MN1: variants seen among roughly 807,000 people sequenced by gnomAD.
MN1 encodes the protein MN1 proto-oncogene, transcriptional regulator, also known as transcriptional activator MN1.
Under a neutral mutation model 86.9 loss-of-function variants are expected in MN1, and 19 were observed. The ratio of observed to expected loss-of-function variants is 0.22; its 90% confidence interval spans 0.15 to 0.32. MN1 has a LOEUF of 0.32. MN1 is among the 10% of genes least tolerant of loss of function. The pLI is 1.00. For missense variants in MN1, 1,841 were observed against 1,862.0 expected (o/e 0.99, Z 0.21); for synonymous variants, 928 against 849.6 (o/e 1.09, Z -1.60).
chr22:27,760,845 C>T (rs1932829812), intron 1 of MN1, among the ~76,000 whole-genome samples: 1 of 152,206 alleles, frequency 6.6e-6, no homozygotes, highest in Non-Finnish European at 1.5e-5. Context: ...GAAAGCAGAC[C>T]ACTGTCTCTA....
intron 1 of MN1, among the ~76,000 whole-genome samples, chr22:27,787,153 C>T (rs191648460): frequency 1.3e-4 from 20 of 152,138 alleles, no homozygotes; most frequent in Admixed American, 9.8e-4. Context: ...CGTGCACGTG[C>T]GTGTGTGCAC....
chr22:27,791,561 C>T (rs943265244), intron 1 of MN1, among the ~76,000 whole-genome samples: 1 of 151,906 alleles, frequency 6.6e-6, no homozygotes, highest in Non-Finnish European at 1.5e-5. Context: ...TGGTTGCAGC[C>T]CCCCACCCCC....
At position 27,750,387 on chromosome 22, in the gene MN1, G is replaced by A. The variant is rs918154125; in HGVS notation, c.*528C>T. On this transcript the variant is annotated 3_prime_UTR_variant, in exon 2 of 2. Transcript: ENST00000302326. ...TGTGATGACAATTGGACTTTCACCC[G>A]GCAATATTCCAGAACTACTATTCTC... is the stretch of plus-strand genomic sequence containing the variant. The A allele has an allele frequency of 3.0e-5, 7 of 229,520 alleles. No homozygotes were observed. The highest frequency in any genetic ancestry group is 1.8e-4 in the South Asian group (1 of 5,490). 14.2% of individuals were successfully genotyped at this position (229,520 alleles called of 1,614,324 possible). A position where few individuals can be genotyped will look rare whatever the true frequency, so the allele number is the denominator to read the frequency against.
intron 1 of MN1, among the ~76,000 whole-genome samples, chr22:27,781,457 TG>T (rs3831689): frequency 2.0e-5 from 3 of 151,558 alleles, no homozygotes; most frequent in East Asian, 3.9e-4. Flanking sequence ...AAGTATGCCC[TG>T]GGGGGGGCAA....
chr22:27,759,154 C>A (rs1423685911), intron 1 of MN1, among the ~76,000 whole-genome samples: 1 of 152,142 alleles, frequency 6.6e-6, no homozygotes, highest in Non-Finnish European at 1.5e-5. Flanking sequence ...AGTGCTAAGA[C>A]CTGTCTCCAA....
chr22:27,760,025 C>G (rs1932824270), intron 1 of MN1, among the ~76,000 whole-genome samples: 1 of 152,156 alleles, frequency 6.6e-6, no homozygotes, highest in Non-Finnish European at 1.5e-5. Context: ...CAAGACCAGC[C>G]TGATACTGTC....
At chr22:27,789,211 G>A (rs939902263) in intron 1 of MN1, among the ~76,000 whole-genome samples, 1 of 152,164 alleles carries the variant, frequency 6.6e-6, no homozygotes, top group African/African-American at 2.4e-5. Context: ...ACAAGACCTG[G>A]TTCTCTTGTG....
intron 1 of MN1, among the ~76,000 whole-genome samples, chr22:27,754,970 C>T (rs576337204): frequency 1.8e-4 from 27 of 152,174 alleles, no homozygotes; most frequent in Non-Finnish European, 3.5e-4. Context: ...GTTCACCCCC[C>T]GACCCTGCAC....
At chr22:27,795,607 T>C (rs1422878330) in intron 1 of MN1, among the ~76,000 whole-genome samples, 2 of 152,092 alleles carry the variant, frequency 1.3e-5, no homozygotes, top group African/African-American at 2.4e-5. Flanking sequence ...AATTCAACTA[T>C]AGTTTAAAAG....
At position 27,798,823 on chromosome 22, in the gene MN1, T is replaced by C. The variant is rs1933365573; in HGVS notation, c.1721A>G (p.Asn574Ser). ...RNQQQRLRQP[N>S]LAQLGHPGDV... ...CCCGGGGTGGCCTAGCTGAGCCAGG[T>C]TGGGCTGGCGCAGCCGCTGCTGCTG... The change falls in exon 1 of 2, where the codon AAC becomes AGC. Residue 574 changes from asparagine (N) to serine (S), a missense_variant. Transcript: ENST00000302326. 7.8e-6 allele frequency: 12 copies of C among 1,537,754 alleles called. No individual in the cohort carries two copies. The highest frequency in any genetic ancestry group is 9.6e-6 in the Non-Finnish European group (11 of 1,146,426).
At position 27,799,140 on chromosome 22, in the gene MN1, G is replaced by T; in HGVS notation, c.1404C>A (p.Asp468Glu). 6.2e-7 allele frequency: 1 copy of T among 1,605,884 alleles called. No homozygotes were observed. The highest frequency in any genetic ancestry group is 8.5e-7 in the Non-Finnish European group (1 of 1,174,258). ...RFDFPGSAGV[D>E]RCASWNGSMH... ...TGCTGCCGTTCCACGAAGCGCAGCG[G>T]TCCACTCCCGCGCTGCCCGGAAAGT... The change falls in exon 1 of 2, where the codon GAC becomes GAA. Residue 468 changes from aspartate (D) to glutamate (E), a missense_variant. Physicochemically the swap from Asp to Glu is conservative, Grantham distance 45. Transcript: ENST00000302326.
At chr22:27,792,124 A>C (rs999057984) in intron 1 of MN1, among the ~76,000 whole-genome samples, 1 of 152,124 alleles carries the variant, frequency 6.6e-6, no homozygotes, top group Admixed American at 6.5e-5. Flanking sequence ...CATATCAGGA[A>C]TCATAGAATT....
At chr22:27,754,388 G>A (rs975864764) in intron 1 of MN1, among the ~76,000 whole-genome samples, 1 of 152,196 alleles carries the variant, frequency 6.6e-6, no homozygotes, top group Non-Finnish European at 1.5e-5. Context: ...ATCAGTGGGG[G>A]TGCCCCTTCT....
chr22:27,752,418 G>T, intron 1 of MN1, among the ~76,000 whole-genome samples: 1 of 152,142 alleles, frequency 6.6e-6, no homozygotes, highest in East Asian at 1.9e-4. Context: ...TGCCTGGGGT[G>T]GGGGAGTCTA....
At position 27,797,356 on chromosome 22, in the gene MN1, G is replaced by C. The variant is rs1313829375; in HGVS notation, c.3188C>G (p.Ser1063Cys). ...TTTAACTAGTGCCTGGGGGTTGTCA[G>C]AGCTGGACGACACCTCGTCCTCATT... ...YANEDEVSSS[S>C]DNPQALVKAS... Residue 1063 changes from serine (S) to cysteine (C), a missense_variant, in exon 1 of 2, where the codon TCT becomes TGT. Physicochemically the swap from Ser to Cys is moderately radical, Grantham distance 112. Transcript: ENST00000302326. 6.2e-7 allele frequency: 1 copy of C among 1,609,198 alleles called. No homozygotes were observed. Among genetic ancestry groups the C allele is most frequent in the South Asian group, 1.1e-5 (1 of 91,076 alleles).
rs146826274 is a variant in MN1, at chr22:27,764,201, C to T, written c.3782-13105G>A. ...ATCAAAATTAATAAAGGGGCTTGCA[C>T]CTCATCCATCTAACCTTGCCGTAGA... On this transcript the variant is annotated intron_variant, in intron 1 of 1. Transcript: ENST00000302326. Among the ~76,000 whole-genome samples, 691 of 152,290 alleles carry T rather than the reference C, an allele frequency of 4.5e-3. 1 individual carries two copies. Among genetic ancestry groups the T allele is most frequent in the African/African-American group, 0.016 (656 of 41,548 alleles).
chr22:27,774,688 C>T (rs1932953940), intron 1 of MN1, among the ~76,000 whole-genome samples: 1 of 152,230 alleles, frequency 6.6e-6, no homozygotes, highest in South Asian at 2.1e-4. Flanking sequence ...TCTTTCTGCG[C>T]ATGAACGGGT....
chr22:27,769,872 TA>T (rs1254725928), intron 1 of MN1, among the ~76,000 whole-genome samples: 1 of 150,438 alleles, frequency 6.6e-6, no homozygotes, highest in Admixed American at 6.7e-5. Flanking sequence ...AATTTTTTTT[TA>T]ATCATCTGCT....
At position 27,799,399 on chromosome 22, in the gene MN1, T is replaced by C; in HGVS notation, c.1145A>G (p.Gln382Arg). The C allele has an allele frequency of 6.6e-7, 1 of 1,515,564 alleles. No individual in the cohort carries two copies. Among genetic ancestry groups the C allele is most frequent in the Non-Finnish European group, 8.8e-7 (1 of 1,136,642 alleles). The allele number at this position is 1,515,564 out of a possible 1,614,324, so 93.9% of individuals were successfully genotyped here. The change falls in exon 1 of 2, where the codon CAG becomes CGG. Residue 382 changes from glutamine (Q) to arginine (R), a missense_variant. Gln to Arg is a conservative substitution (Grantham distance 43). Transcript: ENST00000302326. ...NSCPPALPRP[Q>R]QGEAGTPSGG... ...GCTGGGCGTGCCCGCCTCGCCCTGCTGGGGCCGAGGGAGCGCAGGCGGGCA... is the reference window on the plus strand; with the variant it reads ...GCTGGGCGTGCCCGCCTCGCCCTGCCGGGGCCGAGGGAGCGCAGGCGGGCA...
Sources: gnomAD v4.1 joint callset for allele counts (sites outside exome capture counted in the v4.1 genomes callset) on GRCh38, gnomAD v4.1.1 for gene constraint, MANE v1.5 for transcripts, NCBI Gene and HGNC (gene_info 2026-07-23, HGNC 2026-07-21) for gene names.